Variants in STOX2 observed in about 807,000 individuals in gnomAD.
STOX2 encodes storkhead-box protein 2.
STOX2 carries 28 observed loss-of-function variants against 60.9 expected under a neutral mutation model. That is an observed-to-expected ratio of 0.46 (90% confidence interval 0.34 to 0.63). The LOEUF (loss-of-function observed/expected upper bound fraction) is 0.63. STOX2 is among the 30% of genes least tolerant of loss of function. STOX2 has a pLI of 0.01. For synonymous variants in STOX2, 472 were observed against 463.9 expected (o/e 1.02, Z -0.22); for missense variants, 1,024 against 1,187.7 (o/e 0.86, Z 2.03).
At chr4:183,873,338 C>T (rs1263250677) in intron 1 of STOX2, among the ~76,000 whole-genome samples, 2 of 150,338 alleles carry the variant, frequency 1.3e-5, no homozygotes, top group Non-Finnish European at 3.0e-5. Flanking sequence ...CCCAGCTACT[C>T]GGGAGGCTGA....
chr4:183,888,615 A>T (rs1741137387), intron 1 of STOX2, among the ~76,000 whole-genome samples: 1 of 152,074 alleles, frequency 6.6e-6, no homozygotes, highest in Admixed American at 6.5e-5. Context: ...ACCTGGATTA[A>T]TTCTCTTGCC....
At chr4:183,908,468 T>C (rs968728001) in intron 1 of STOX2, among the ~76,000 whole-genome samples, 1 of 152,184 alleles carries the variant, frequency 6.6e-6, no homozygotes, top group South Asian at 2.1e-4. Flanking sequence ...TTCCCCTTTC[T>C]TATGCCTCCT....
At chr4:183,858,783 T>C (rs1193346257) in intron 1 of STOX2, among the ~76,000 whole-genome samples, 1 of 152,254 alleles carries the variant, frequency 6.6e-6, no homozygotes, top group Non-Finnish European at 1.5e-5. Context: ...TTATCTATAT[T>C]GTTTTGTAGT....
chr4:183,877,620 G>A (rs1740860576), intron 1 of STOX2, among the ~76,000 whole-genome samples: 5 of 152,182 alleles, frequency 3.3e-5, no homozygotes, highest in East Asian at 1.9e-4. Context: ...AGGATAAAGC[G>A]TTATTAACTT....
chr4:184,015,372 A>G (rs1458938835), intron 3 of STOX2: 1 of 152,164 alleles, frequency 6.6e-6, no homozygotes, highest in Non-Finnish European at 1.5e-5. Context: ...TTTCCCTTTT[A>G]GTGATGACAT....
rs79723176 is a variant in STOX2 at position 184,000,917 on chromosome 4, G to C, written c.167-408G>C. Among the ~76,000 whole-genome samples, 9 of 152,336 alleles carry C rather than the reference G, an allele frequency of 5.9e-5. No individual in the cohort carries two copies. In the East Asian group the frequency reaches 1.7e-3, roughly 29 times the overall value. ...CAGCTCCCGTTCCCCCAGCAGACAC[G>C]TAAACGCGTTCAATGTGTGAATGAA... On this transcript the variant is annotated intron_variant, in intron 1 of 3. Coordinates refer to ENST00000308497, the MANE Select transcript of STOX2 (RefSeq NM_020225.3).
intron 1 of STOX2, among the ~76,000 whole-genome samples, chr4:183,838,792 T>C (rs1267404272): frequency 6.6e-6 from 1 of 152,190 alleles, no homozygotes; most frequent in Non-Finnish European, 1.5e-5. Context: ...TGTTTAGTTA[T>C]ATACAAGTGG....
intron 1 of STOX2, among the ~76,000 whole-genome samples, chr4:183,895,136 GT>G (rs1487223007): frequency 2.6e-5 from 4 of 152,200 alleles, no homozygotes; most frequent in Non-Finnish European, 5.9e-5. Context: ...CTCAAGCTCT[GT>G]GGGCAAATCG....
At chr4:183,989,762 T>TA (rs959831785) in intron 1 of STOX2, among the ~76,000 whole-genome samples, 9 of 152,130 alleles carry the variant, frequency 5.9e-5, no homozygotes, top group Admixed American at 2.0e-4. Flanking sequence ...GAAAGCTTTT[T>TA]AAAAAAACAT....
intron 1 of STOX2, among the ~76,000 whole-genome samples, chr4:183,938,810 T>G (rs1742665476): frequency 6.6e-6 from 1 of 152,184 alleles, no homozygotes; most frequent in African/African-American, 2.4e-5. Flanking sequence ...TCAGGATGAT[T>G]GTTTTGAAAT....
intron 1 of STOX2, among the ~76,000 whole-genome samples, chr4:183,973,734 G>C (rs1310163677): frequency 6.6e-6 from 1 of 152,244 alleles, no homozygotes; most frequent in East Asian, 1.9e-4. Context: ...TGTGGCTCAT[G>C]CCTCTGATCT....
At chr4:183,881,669 C>T (rs1740963299) in intron 1 of STOX2, among the ~76,000 whole-genome samples, 1 of 152,120 alleles carries the variant, frequency 6.6e-6, no homozygotes, top group Non-Finnish European at 1.5e-5. Flanking sequence ...ATTGAAATCT[C>T]TGTTTAAGAT....
At chr4:183,838,022 T>C (rs776944970) in intron 1 of STOX2, among the ~76,000 whole-genome samples, 81 of 152,060 alleles carry the variant, frequency 5.3e-4, no homozygotes, top group Non-Finnish European at 1.0e-3. Context: ...GTTAGAAAAA[T>C]ACAGAAAATT....
Position 183,896,918 on chromosome 4 carries a change from T to C in STOX2, c.364+98863T>C, listed in dbSNP as rs369544941. On this transcript the variant is annotated intron_variant, in intron 1 of 2. Coordinates refer to the STOX2 transcript ENST00000513034. ...GCGATGTTAGTACTAGTCACTATAATCCAAGGAACCCACCAATATTGTCAT... is the reference window on the plus strand; with the variant it reads ...GCGATGTTAGTACTAGTCACTATAACCCAAGGAACCCACCAATATTGTCAT... 2.0e-3 allele frequency among the ~76,000 whole-genome samples: 306 copies of C among 152,338 alleles called. 1 individual carries two copies. The highest frequency in any genetic ancestry group is 7.1e-3 in the African/African-American group (294 of 41,580).
intron 1 of STOX2, among the ~76,000 whole-genome samples, chr4:183,823,199 C>G (rs1362573370): frequency 3.9e-5 from 6 of 152,162 alleles, no homozygotes; most frequent in African/African-American, 1.4e-4. Context: ...AGTTCAAGAC[C>G]AGCCTGGCCA....
chr4:183,918,682 A>T (rs1201717833), intron 1 of STOX2, among the ~76,000 whole-genome samples: 1 of 152,206 alleles, frequency 6.6e-6, no homozygotes, highest in Non-Finnish European at 1.5e-5. Context: ...AAAAGTAGTG[A>T]TGGGCCCAGT....
intron 1 of STOX2, among the ~76,000 whole-genome samples, chr4:183,868,542 G>A (rs1014347838): frequency 6.6e-6 from 1 of 152,210 alleles, no homozygotes; most frequent in Non-Finnish European, 1.5e-5. Context: ...CCCCAAAGAC[G>A]AATGTCCCGA....
intron 1 of STOX2, among the ~76,000 whole-genome samples, chr4:183,917,101 GT>G (rs1467206205): frequency 6.6e-6 from 1 of 152,248 alleles, no homozygotes; most frequent in African/African-American, 2.4e-5. Context: ...AGTGCCAGAT[GT>G]GTAGCAGGTA....
intron 1 of STOX2, among the ~76,000 whole-genome samples, chr4:183,826,984 C>A (rs777497876): frequency 6.6e-6 from 1 of 152,078 alleles, no homozygotes; most frequent in Non-Finnish European, 1.5e-5. Flanking sequence ...TATAACATGA[C>A]CTATTTAATC....
Sources: gnomAD v4.1 joint callset for allele counts (sites outside exome capture counted in the v4.1 genomes callset) on GRCh38, gnomAD v4.1.1 for gene constraint, MANE v1.5 for transcripts, NCBI Gene and HGNC (gene_info 2026-07-23, HGNC 2026-07-21) for gene names.